Variants in TMEM178B observed in about 807,000 individuals in gnomAD.
The protein encoded by TMEM178B is transmembrane protein 178B.
TMEM178B carries 5 observed loss-of-function variants against 31.0 expected under a neutral mutation model. The ratio of observed to expected loss-of-function variants is 0.16; its 90% CI spans 0.08 to 0.34. The LOEUF (loss-of-function observed/expected upper bound fraction) is 0.34. Ranked by LOEUF, TMEM178B falls within the 10% of genes least tolerant of loss-of-function variation. The pLI, the probability that TMEM178B is intolerant of heterozygous loss-of-function variation, is 1.00. For missense variants in TMEM178B, 275 were observed against 400.3 expected (o/e 0.69, Z 2.67); for synonymous variants, 164 against 164.0 (o/e 1.00, Z 0.00).
intron 1 of TMEM178B, among the ~76,000 whole-genome samples, chr7:141,148,401 C>A (rs780825497): frequency 6.6e-6 from 1 of 152,146 alleles, no homozygotes; most frequent in Non-Finnish European, 1.5e-5. Context: ...TAAAACAGAA[C>A]CCCAAGGTTT....
chr7:141,503,176 T>C, the TMEM178B span, among the ~76,000 whole-genome samples: 1 of 152,236 alleles, frequency 6.6e-6, no homozygotes, highest in Non-Finnish European at 1.5e-5. Context: ...ATTTTACACG[T>C]GGAGTCAACC....
chr7:141,239,107 G>A (rs1302178387), intron 2 of TMEM178B, among the ~76,000 whole-genome samples: 1 of 152,148 alleles, frequency 6.6e-6, no homozygotes, highest in African/African-American at 2.4e-5. Flanking sequence ...TGACATCATT[G>A]CTGGGCCTGA....
chr7:141,147,354 G>A (rs1010646472), intron 1 of TMEM178B, among the ~76,000 whole-genome samples: 1 of 152,186 alleles, frequency 6.6e-6, no homozygotes, highest in Admixed American at 6.5e-5. Context: ...TGGGTGGTAG[G>A]GGTGGGAGGC....
At chr7:141,084,042 T>G (rs889625637) in intron 1 of TMEM178B, among the ~76,000 whole-genome samples, 1 of 152,174 alleles carries the variant, frequency 6.6e-6, no homozygotes, top group Non-Finnish European at 1.5e-5. Context: ...TGACCTCAGG[T>G]GATATGCCTG....
Position 141,186,188 on chromosome 7 carries a change from A to G in TMEM178B, c.383-26403A>G, listed in dbSNP as rs117639587. Reference sequence around the variant, plus strand: ...TATAGTTAAAGAGTCAAGGTCATGGATAGGAAACCAGAGCTAATCCTAGAA... The same window carrying G: ...TATAGTTAAAGAGTCAAGGTCATGGGTAGGAAACCAGAGCTAATCCTAGAA... On this transcript the variant is annotated intron_variant, in intron 1 of 3. Transcript: ENST00000565468. Among the ~76,000 whole-genome samples the G allele has an allele frequency of 1.5e-3, 232 of 152,284 alleles. 4 individuals are homozygous for G. In the East Asian group the frequency reaches 0.043, roughly 28 times the overall value.
At chr7:141,336,132 C>T (rs79123154) in intron 2 of TMEM178B, among the ~76,000 whole-genome samples, 3,036 of 152,150 alleles carry the variant, frequency 0.02, 84 homozygotes, top group East Asian at 0.12. Context: ...GGAAGAATCT[C>T]GCTGGCCCCG....
intron 3 of TMEM178B, among the ~76,000 whole-genome samples, chr7:141,442,886 G>C (rs1260511052): frequency 6.6e-6 from 1 of 152,208 alleles, no homozygotes; most frequent in Non-Finnish European, 1.5e-5. Flanking sequence ...CAGAATCCCA[G>C]GTACAGCTTA....
chr7:141,371,547 C>A lies in TMEM178B; in HGVS notation c.497-66061C>A, dbSNP rs142509105. Among the ~76,000 whole-genome samples, 926 of 152,196 alleles carry A rather than the reference C, an allele frequency of 6.1e-3. 6 individuals are homozygous for A. Among genetic ancestry groups the A allele is most frequent in the African/African-American group, 0.021 (876 of 41,500 alleles). On this transcript the variant is annotated intron_variant, in intron 2 of 3. Transcript: ENST00000565468. ...AAAACAGACTAAGACACTGTAGATA[C>A]GGAATAAGTGGGGCTAGAAGGAAGA...
At chr7:141,491,863 C>A in the TMEM178B span, among the ~76,000 whole-genome samples, 6 of 152,158 alleles carry the variant, frequency 3.9e-5, no homozygotes, top group Non-Finnish European at 7.3e-5. Context: ...GCCCTTTCAC[C>A]TGCCTCCTCA....
intron 2 of TMEM178B, among the ~76,000 whole-genome samples, chr7:141,311,240 A>G (rs1798904908): frequency 6.6e-6 from 1 of 152,218 alleles, no homozygotes; most frequent in Non-Finnish European, 1.5e-5. Flanking sequence ...GCAAACCACC[A>G]TGGCACACAT....
At chr7:141,320,576 C>A (rs1799080434) in intron 2 of TMEM178B, among the ~76,000 whole-genome samples, 2 of 152,188 alleles carry the variant, frequency 1.3e-5, no homozygotes, top group African/African-American at 4.8e-5. Context: ...AAATCCCTCA[C>A]ACCTGGAGGC....
chr7:141,307,158 G>A (rs1798827885), intron 2 of TMEM178B, among the ~76,000 whole-genome samples: 1 of 123,292 alleles, frequency 8.1e-6, no homozygotes, highest in Admixed American at 8.9e-5. Context: ...AATTGGGGAT[G>A]TTGGTACCAT....
intron 2 of TMEM178B, among the ~76,000 whole-genome samples, chr7:141,436,625 G>A (rs376359041): frequency 2.3e-4 from 35 of 151,946 alleles, no homozygotes; most frequent in South Asian, 4.1e-4. Flanking sequence ...AAGTGTGCCC[G>A]GAGCTGGTGG....
intron 2 of TMEM178B, among the ~76,000 whole-genome samples, chr7:141,302,400 A>T (rs1563145594): frequency 6.6e-6 from 1 of 152,256 alleles, no homozygotes; most frequent in Non-Finnish European, 1.5e-5. Context: ...ATGCATAGTT[A>T]TATGAGTAGT....
chr7:141,269,940 C>T (rs1257326567), intron 2 of TMEM178B, among the ~76,000 whole-genome samples: 1 of 152,100 alleles, frequency 6.6e-6, no homozygotes, highest in Non-Finnish European at 1.5e-5. Context: ...TGGCGCATGC[C>T]TGTAATTCCA....
rs869038368 is a variant in TMEM178B, at chr7:141,220,339, AATAATAATAATAATAATAAT to A, written c.496+7637_496+7656del. On this transcript the variant is annotated intron_variant, in intron 2 of 3. Coordinates refer to ENST00000565468, the MANE Select transcript of TMEM178B (RefSeq NM_001195278.2). ...TAATAATAATAATAATAATAATAAT[AATAATAATAATAATAATAAT>A]AAAATAATAAATGCATGTGCATGTA... is the stretch of plus-strand genomic sequence containing the variant. 3.7e-3 allele frequency among the ~76,000 whole-genome samples: 522 copies of A among 141,618 alleles called. 2 individuals carry two copies. The highest frequency in any genetic ancestry group is 5.8e-3 in the Non-Finnish European group (388 of 66,988). The allele number at this position is 141,618 out of a possible 152,430, so 92.9% of individuals were successfully genotyped here.
chr7:141,128,485 C>T (rs1237232585), intron 1 of TMEM178B, among the ~76,000 whole-genome samples: 1 of 151,668 alleles, frequency 6.6e-6, no homozygotes. Context: ...TGCTTCTCTA[C>T]AATGAACAAG....
intron 1 of TMEM178B, among the ~76,000 whole-genome samples, chr7:141,182,452 G>GT (rs998371435): frequency 3.3e-5 from 5 of 152,154 alleles, no homozygotes; most frequent in African/African-American, 4.8e-5. Flanking sequence ...TTAAACATGA[G>GT]TTTTAACAAA....
chr7:141,114,511 A>T (rs1228948341), intron 1 of TMEM178B, among the ~76,000 whole-genome samples: 1 of 152,236 alleles, frequency 6.6e-6, no homozygotes, highest in Non-Finnish European at 1.5e-5. Flanking sequence ...TGGAGATGCA[A>T]AGGAGTCAAC....
Sources: gnomAD v4.1 joint callset for allele counts (sites outside exome capture counted in the v4.1 genomes callset) on GRCh38, gnomAD v4.1.1 for gene constraint, MANE v1.5 for transcripts, NCBI Gene and HGNC (gene_info 2026-07-23, HGNC 2026-07-21) for gene names.